TOM1L1: variants seen among roughly 807,000 people sequenced by gnomAD.
TOM1L1 encodes the protein target of myb1 like 1 membrane trafficking protein, also known as TOM1-like protein 1.
In TOM1L1, 64 loss-of-function variants were observed where a neutral mutation model predicts 63.4. The observed-to-expected ratio is 1.01, with a 90% CI of 0.83 to 1.24. The LOEUF (loss-of-function observed/expected upper bound fraction) is 1.24, where lower values mean the gene tolerates loss of function less well. Ranked by LOEUF, TOM1L1 falls within the 50% of genes most tolerant of loss-of-function variation. TOM1L1 has a pLI of 0.00. For synonymous variants in TOM1L1, 166 were observed against 194.4 expected, an observed-to-expected ratio of 0.85 and a Z score of 1.22; for missense variants, 536 against 567.0, an observed-to-expected ratio of 0.95 and a Z score of 0.55.
intron 3 of TOM1L1, among the ~76,000 whole-genome samples, chr17:54,906,415 G>T (rs902266735): frequency 6.7e-6 from 1 of 149,658 alleles, no homozygotes; most frequent in African/African-American, 2.5e-5. Flanking sequence ...ATTGCGGTGA[G>T]TCGAGATCGC....
At chr17:54,912,554 T>C in intron 3 of TOM1L1, 112 bp from the exon 4 acceptor site, 2 of 889,528 alleles carry the variant, frequency 2.2e-6, no homozygotes, top group Non-Finnish European at 3.2e-6. Flanking sequence ...TACTAAATTA[T>C]GTTTGTTAAT....
At chr17:54,926,228 G>A (rs1380968249) in intron 7 of TOM1L1, among the ~76,000 whole-genome samples, 10 of 152,230 alleles carry the variant, frequency 6.6e-5, no homozygotes, top group Non-Finnish European at 4.4e-5. Context: ...CATTAGGGAT[G>A]AGGACTGGAT....
intron 7 of TOM1L1, among the ~76,000 whole-genome samples, chr17:54,927,721 C>T (rs1384928352): frequency 1.3e-5 from 2 of 152,206 alleles, no homozygotes; most frequent in Non-Finnish European, 2.9e-5. Context: ...GAACTCTGAC[C>T]TATCCCTTTT....
At chr17:54,902,922 A>G (rs1259043121) in intron 1 of TOM1L1, among the ~76,000 whole-genome samples, 1 of 152,190 alleles carries the variant, frequency 6.6e-6, no homozygotes, top group Non-Finnish European at 1.5e-5. Flanking sequence ...GCTTATTATT[A>G]TTAGTTCGGA....
rs1325743167 is a variant in TOM1L1, at chr17:54,905,580, A to C, written c.222+13A>C. The C allele has an allele frequency of 6.8e-7, 1 of 1,466,930 alleles. No individual in the cohort carries two copies. The highest frequency in any genetic ancestry group is 2.3e-5 in the East Asian group (1 of 44,178). 90.9% of individuals were successfully genotyped at this position (1,466,930 alleles called of 1,614,324 possible). A position where few individuals can be genotyped will look rare whatever the true frequency, so the allele number is the denominator to read the frequency against. ...ACTTACCTTGTCAGTAAGTACTTTA[A>C]TTTTATAATTAAGACTCGAGGATTT... On this transcript the variant is annotated intron_variant, in intron 3 of 15. Coordinates refer to ENST00000575882, the MANE Select transcript of TOM1L1 (RefSeq NM_005486.3).
rs762550272 is a variant in TOM1L1 at position 54,949,594 on chromosome 17, G to A, written c.1259G>A (p.Ser420Asn). 5.0e-6 allele frequency: 8 copies of A among 1,606,532 alleles called. No individual in the cohort carries two copies. In the South Asian group the frequency reaches 8.3e-5, roughly 17 times the overall value. ...ATTGCAGCAGCACCATCAAACCAGA[G>A]TCTGCCACCTTTGCCCAGCAATCAT... ...QTIAAAPSNQ[S>N]LPPLPSNHPA... The change falls in exon 13 of 16, where the codon AGT becomes AAT. Residue 420 changes from serine (S) to asparagine (N), a missense_variant. Ser to Asn is a conservative substitution (Grantham distance 46, BLOSUM62 1). Coordinates refer to ENST00000575882, the MANE Select transcript of TOM1L1 (RefSeq NM_005486.3).
At chr17:54,950,467 T>C (rs1480594026) in intron 14 of TOM1L1, among the ~76,000 whole-genome samples, 1 of 152,190 alleles carries the variant, frequency 6.6e-6, no homozygotes, top group Non-Finnish European at 1.5e-5. Context: ...TTATGCCACA[T>C]TGATGGAATA....
chr17:54,924,184 A>G (rs975990175), intron 7 of TOM1L1, among the ~76,000 whole-genome samples: 8 of 151,694 alleles, frequency 5.3e-5, no homozygotes, highest in African/African-American at 1.9e-4. Context: ...CCTTGAGTGC[A>G]CTGAGTTCAT....
At chr17:54,936,206 T>C (rs2048943419) in intron 8 of TOM1L1, among the ~76,000 whole-genome samples, 1 of 152,018 alleles carries the variant, frequency 6.6e-6, no homozygotes, top group African/African-American at 2.4e-5. Context: ...AATGGCAAAG[T>C]AGAAAACAAA....
At chr17:54,930,366 G>A in intron 8 of TOM1L1, 160 bp downstream of exon 8, 2 of 890,886 alleles carry the variant, frequency 2.2e-6, no homozygotes, top group Non-Finnish European at 3.4e-6. Flanking sequence ...GTTTTCCCTT[G>A]TACAGCTCCT....
At chr17:54,919,163 G>T (rs534088850) in intron 7 of TOM1L1, among the ~76,000 whole-genome samples, 1 of 152,132 alleles carries the variant, frequency 6.6e-6, no homozygotes, top group Non-Finnish European at 1.5e-5. Flanking sequence ...TCATTAAATA[G>T]ATTTCAAAGG....
At chr17:54,931,657 G>T (rs948085035) in intron 8 of TOM1L1, among the ~76,000 whole-genome samples, 3 of 152,120 alleles carry the variant, frequency 2.0e-5, no homozygotes, top group African/African-American at 7.2e-5. Context: ...ACAAAAATTA[G>T]CCAGGCATGG....
intron 10 of TOM1L1, chr17:54,938,460 C>G (rs2048985004): frequency 7.1e-6 from 1 of 141,302 alleles, no homozygotes; most frequent in Non-Finnish European, 1.5e-5. Context: ...TGCCACTGCA[C>G]TCCAGTCTGG....
chr17:54,953,354 G>C (rs1048803615), intron 14 of TOM1L1: 1 of 152,400 alleles, frequency 6.6e-6, no homozygotes, highest in African/African-American at 2.4e-5. Context: ...GGGTAACACA[G>C]ACCCTGTCTC....
chr17:54,907,638 C>T (rs760175979), intron 3 of TOM1L1, among the ~76,000 whole-genome samples: 8 of 152,042 alleles, frequency 5.3e-5, no homozygotes, highest in East Asian at 1.9e-4. Context: ...TCCTAGTATC[C>T]GGGAAGACTC....
intron 4 of TOM1L1, 106 bp downstream of exon 4, chr17:54,912,921 T>A (rs1424008254): frequency 5.8e-6 from 6 of 1,030,210 alleles, no homozygotes; most frequent in Non-Finnish European, 7.7e-6. Flanking sequence ...AGGATTGAGC[T>A]AGAAAAGCAT....
intron 3 of TOM1L1, among the ~76,000 whole-genome samples, chr17:54,912,320 C>T (rs1369103540): frequency 1.3e-5 from 2 of 152,076 alleles, no homozygotes; most frequent in Non-Finnish European, 2.9e-5. Flanking sequence ...TGGGAATATA[C>T]CTGTGCTACC....
chr17:54,910,571 A>G (rs1381602904), intron 3 of TOM1L1, among the ~76,000 whole-genome samples: 1 of 152,198 alleles, frequency 6.6e-6, no homozygotes, highest in Non-Finnish European at 1.5e-5. Flanking sequence ...GTTAGGTGAA[A>G]TATTTCTGTA....
rs1217023026 is a variant in TOM1L1, at chr17:54,913,801, A to G, written c.426A>G (p.Val142=). 3 of 1,612,524 alleles carry G rather than the reference A, an allele frequency of 1.9e-6. No homozygotes were observed. The highest frequency in any genetic ancestry group is 3.3e-5 in the Admixed American group (2 of 59,954). Residue 142 remains valine, a synonymous_variant, in exon 5 of 16, where the codon GTA becomes GTG. Coordinates refer to ENST00000575882, the MANE Select transcript of TOM1L1 (RefSeq NM_005486.3). ...TGGATGTAAGCGAAGTCAAAGAAGT[A>G]TACCTCGACCTGGTTAAGAAAGGCG... is the stretch of plus-strand genomic sequence containing the variant. ...GGVDVSEVKE[V]YLDLVKKGVQ...
Sources: gnomAD v4.1 joint callset for allele counts (sites outside exome capture counted in the v4.1 genomes callset) on GRCh38, gnomAD v4.1.1 for gene constraint, MANE v1.5 for transcripts, NCBI Gene and HGNC (gene_info 2026-07-23, HGNC 2026-07-21) for gene names.